The following GRM8 variants were observed in gnomAD, a reference collection of about 807,000 sequenced individuals.
GRM8 encodes glutamate metabotropic receptor 8.
Under a neutral mutation model 87.2 loss-of-function variants are expected in GRM8, and 47 were observed. That is an observed-to-expected ratio of 0.54 (90% CI 0.43 to 0.69). The LOEUF (loss-of-function observed/expected upper bound fraction) is 0.69, where lower values mean the gene tolerates loss of function less well. GRM8 is among the 30% of genes least tolerant of loss of function. The pLI is 0.00. For missense variants in GRM8, 1,019 were observed against 1,139.2 expected (o/e 0.89, Z 1.52); for synonymous variants, 396 against 404.5 (o/e 0.98, Z 0.25).
At chr7:126,695,241 A>C (rs1809254018) in intron 7 of GRM8, among the ~76,000 whole-genome samples, 1 of 152,196 alleles carries the variant, frequency 6.6e-6, no homozygotes, top group Non-Finnish European at 1.5e-5. Context: ...ATTATTATGA[A>C]GAAAATGAGA....
intron 3 of GRM8, among the ~76,000 whole-genome samples, chr7:127,012,303 C>A (rs1205526676): frequency 6.6e-6 from 1 of 152,106 alleles, no homozygotes; most frequent in Non-Finnish European, 1.5e-5. Context: ...CCTTTGCTGT[C>A]TTTTCTTCTC....
intron 3 of GRM8, among the ~76,000 whole-genome samples, chr7:127,089,397 T>C (rs758759577): frequency 6.6e-6 from 1 of 152,160 alleles, no homozygotes; most frequent in Non-Finnish European, 1.5e-5. Context: ...CAAATTTCTG[T>C]TGTTTTGAGC....
At chr7:127,189,623 A>G (rs17868739) in intron 2 of GRM8, among the ~76,000 whole-genome samples, 1 of 152,198 alleles carries the variant, frequency 6.6e-6, no homozygotes, top group Non-Finnish European at 1.5e-5. Context: ...TTTGCTGAAC[A>G]ATTAAAAAAA....
intron 3 of GRM8, among the ~76,000 whole-genome samples, chr7:127,092,037 C>T (rs1466333195): frequency 8.2e-6 from 1 of 122,654 alleles, no homozygotes. Context: ...GTCATCCCCC[C>T]GTCCCACTGG....
At chr7:126,945,449 G>A (rs973806087) in intron 3 of GRM8, among the ~76,000 whole-genome samples, 2 of 152,074 alleles carry the variant, frequency 1.3e-5, no homozygotes, top group Non-Finnish European at 2.9e-5. Flanking sequence ...CTTTTTGATT[G>A]CCATCATGGT....
chr7:126,839,159 C>T (rs746330060), intron 6 of GRM8, among the ~76,000 whole-genome samples: 3 of 152,148 alleles, frequency 2.0e-5, no homozygotes, highest in Admixed American at 1.3e-4. Context: ...ACACATGTAA[C>T]ACCCGCATCA....
chr7:126,582,099 T>A (rs575802000), intron 8 of GRM8, among the ~76,000 whole-genome samples: 1 of 152,312 alleles, frequency 6.6e-6, no homozygotes, highest in South Asian at 2.1e-4. Context: ...TATCAAAAGC[T>A]GAGACAGATA....
intron 9 of GRM8, among the ~76,000 whole-genome samples, chr7:126,486,059 C>T (rs1807320755): frequency 6.6e-6 from 1 of 151,982 alleles, no homozygotes; most frequent in Admixed American, 6.6e-5. Flanking sequence ...AAGCCCTGGC[C>T]TCTAGATAAG....
At chr7:126,641,141 AGAGC>A (rs1802338284) in intron 7 of GRM8, among the ~76,000 whole-genome samples, 3 of 152,302 alleles carry the variant, frequency 2.0e-5, no homozygotes, top group Admixed American at 6.5e-5. Context: ...ATATTCTTCA[AGAGC>A]TCTGTTAGCA....
rs1002582260 is a variant in GRM8 at position 127,096,506 on chromosome 7, G to A, written c.727+9990C>T. 4.0e-5 allele frequency among the ~76,000 whole-genome samples: 6 copies of A among 151,726 alleles called. No individual in the cohort carries two copies. The South Asian group carries it at 1.0e-3, about 26-fold the overall frequency. On this transcript the variant is annotated intron_variant, in intron 3 of 10. Coordinates refer to ENST00000339582, the MANE Select transcript of GRM8 (RefSeq NM_000845.3). ...ACCCAGGAGGCAGAGGGTGCAATGA[G>A]CCAAGATCATGCCACTGCACTTCAG...
chr7:126,643,805 T>C (rs915760229), intron 7 of GRM8, among the ~76,000 whole-genome samples: 5 of 152,234 alleles, frequency 3.3e-5, no homozygotes, highest in Non-Finnish European at 7.3e-5. Context: ...TTCCCTATGC[T>C]TCAACATTAT....
At chr7:126,728,940 T>A (rs1813299559) in intron 7 of GRM8, among the ~76,000 whole-genome samples, 1 of 152,174 alleles carries the variant, frequency 6.6e-6, no homozygotes, top group Admixed American at 6.5e-5. Flanking sequence ...CCTCACCACT[T>A]CATTTCCTTC....
intron 8 of GRM8, among the ~76,000 whole-genome samples, chr7:126,601,062 C>T (rs1034999370): frequency 6.6e-6 from 1 of 151,044 alleles, no homozygotes; most frequent in Non-Finnish European, 1.5e-5. Flanking sequence ...GGTATATCTC[C>T]CAATGCTATC....
Position 126,887,112 on chromosome 7 carries a change from C to T in GRM8, c.1156+15430G>A, listed in dbSNP as rs544732979. Among the ~76,000 whole-genome samples the T allele has an allele frequency of 1.2e-4, 19 of 152,020 alleles. No individual in the cohort carries two copies. The South Asian group carries it at 4.0e-3, about 32-fold the overall frequency. On this transcript the variant is annotated intron_variant, in intron 6 of 10. Coordinates refer to ENST00000339582, the MANE Select transcript of GRM8 (RefSeq NM_000845.3). ...GGAATCTGAAAAGAGGATGAATGCA[C>T]CTGAAAATCAAACCAGCAGAGAGTG...
intron 2 of GRM8, among the ~76,000 whole-genome samples, chr7:127,131,991 A>C (rs547850137): frequency 6.6e-6 from 1 of 152,334 alleles, no homozygotes; most frequent in South Asian, 2.1e-4. Context: ...GCCATTTAAA[A>C]CATGTCATTT....
chr7:126,736,231 A>C (rs1359329431), intron 7 of GRM8, among the ~76,000 whole-genome samples: 1 of 152,082 alleles, frequency 6.6e-6, no homozygotes, highest in Non-Finnish European at 1.5e-5. Context: ...ACACATACAC[A>C]TGTACGGTCT....
chr7:126,748,611 T>G (rs1220485413), intron 7 of GRM8, among the ~76,000 whole-genome samples: 8 of 150,444 alleles, frequency 5.3e-5, no homozygotes, highest in Admixed American at 5.3e-4. Flanking sequence ...GGTTTTTTTT[T>G]TTTTTTTTTT....
intron 2 of GRM8, among the ~76,000 whole-genome samples, chr7:127,172,202 C>A (rs1447364331): frequency 6.6e-6 from 1 of 151,822 alleles, no homozygotes; most frequent in Non-Finnish European, 1.5e-5. Flanking sequence ...ATTGATATTT[C>A]TTTTGTTATT....
chr7:126,468,776 T>C (rs555937018), intron 9 of GRM8, among the ~76,000 whole-genome samples: 5 of 152,250 alleles, frequency 3.3e-5, no homozygotes, highest in African/African-American at 9.6e-5. Flanking sequence ...TATTGTCAAT[T>C]AGACTCATTT....
Sources: gnomAD v4.1 joint callset for allele counts (sites outside exome capture counted in the v4.1 genomes callset) on GRCh38, gnomAD v4.1.1 for gene constraint, MANE v1.5 for transcripts, NCBI Gene and HGNC (gene_info 2026-07-23, HGNC 2026-07-21) for gene names.